SGCZ: variants seen among roughly 807,000 people sequenced by gnomAD.
SGCZ encodes sarcoglycan zeta, also known as zeta-sarcoglycan.
Under a neutral mutation model 41.3 loss-of-function variants are expected in SGCZ, and 40 were observed. The ratio of observed to expected loss-of-function variants is 0.97; its 90% confidence interval spans 0.75 to 1.26. The LOEUF (loss-of-function observed/expected upper bound fraction) is 1.26. Among genes scored for constraint, SGCZ ranks in the 50% most tolerant of loss-of-function variants. The probability of loss-of-function intolerance (pLI) is 0.00; values close to 1 mark genes in which losing one functional copy is unlikely to be tolerated. For synonymous variants in SGCZ, 206 were observed against 137.5 expected (o/e 1.50, Z -3.49); for missense variants, 552 against 369.8 (o/e 1.49, Z -4.04).
chr8:14,454,197 A>T (rs1563339930), intron 2 of SGCZ, among the ~76,000 whole-genome samples: 1 of 152,154 alleles, frequency 6.6e-6, no homozygotes, highest in Non-Finnish European at 1.5e-5. Flanking sequence ...GATTTCTAAT[A>T]TGTAGGTTAA....
chr8:14,946,092 G>T (rs1800438318), intron 1 of SGCZ, among the ~76,000 whole-genome samples: 1 of 121,828 alleles, frequency 8.2e-6, no homozygotes, highest in South Asian at 2.7e-4. Context: ...GTCCTATAGG[G>T]GCTATCTCTC....
chr8:14,374,450 A>C (rs1218127321), intron 2 of SGCZ, among the ~76,000 whole-genome samples: 1 of 152,186 alleles, frequency 6.6e-6, no homozygotes, highest in East Asian at 1.9e-4. Context: ...TAAGAATTTG[A>C]TGTAATTCTT....
intron 1 of SGCZ, among the ~76,000 whole-genome samples, chr8:14,622,205 A>G (rs984980454): frequency 3.9e-5 from 6 of 152,156 alleles, no homozygotes; most frequent in African/African-American, 1.4e-4. Context: ...AACCTTGAGT[A>G]TGTGTTGTCC....
intron 1 of SGCZ, among the ~76,000 whole-genome samples, chr8:14,618,552 G>C (rs1049121685): frequency 1.3e-5 from 2 of 152,182 alleles, no homozygotes; most frequent in Non-Finnish European, 2.9e-5. Flanking sequence ...AGTAACAAGA[G>C]TGGAAATAGG....
chr8:14,594,534 CCATATAAAAG>C (rs1177609602), intron 1 of SGCZ, among the ~76,000 whole-genome samples: 1 of 151,960 alleles, frequency 6.6e-6, no homozygotes, highest in Non-Finnish European at 1.5e-5. Flanking sequence ...GACTATAAAG[CCATATAAAAG>C]CATGGTGATG....
chr8:15,072,720 A>T (rs930129429), intron 1 of SGCZ, among the ~76,000 whole-genome samples: 1 of 152,182 alleles, frequency 6.6e-6, no homozygotes. Context: ...CAAAGGGAAA[A>T]GTGAGGAAGC....
intron 1 of SGCZ, among the ~76,000 whole-genome samples, chr8:14,602,107 G>A (rs947258668): frequency 3.3e-5 from 5 of 151,972 alleles, no homozygotes; most frequent in African/African-American, 7.2e-5. Context: ...GCGACAGAGC[G>A]AGTCTCCGTC....
At chr8:14,575,049 T>C (rs1804666141) in intron 1 of SGCZ, among the ~76,000 whole-genome samples, 1 of 152,240 alleles carries the variant, frequency 6.6e-6, no homozygotes, top group Non-Finnish European at 1.5e-5. Context: ...GTTATATCCT[T>C]ATTAGCCACC....
At chr8:14,323,801 G>A (rs1563257205) in intron 3 of SGCZ, among the ~76,000 whole-genome samples, 2 of 151,974 alleles carry the variant, frequency 1.3e-5, no homozygotes, top group Admixed American at 6.6e-5. Context: ...CATATCAAAT[G>A]CCCCCTTGGG....
intron 3 of SGCZ, among the ~76,000 whole-genome samples, chr8:14,258,373 T>C (rs959783928): frequency 6.6e-6 from 1 of 152,160 alleles, no homozygotes; most frequent in Non-Finnish European, 1.5e-5. Context: ...TGTACTTCCC[T>C]GATCTCTCGG....
chr8:14,905,297 G>T lies in SGCZ; in HGVS notation c.39+332288C>A, dbSNP rs573259692. Among the ~76,000 whole-genome samples the T allele has an allele frequency of 8.6e-5, 13 of 151,926 alleles. 1 individual carries two copies. In the South Asian group the frequency reaches 2.7e-3, roughly 32 times the overall value. On this transcript the variant is annotated intron_variant, in intron 1 of 7. Coordinates refer to ENST00000382080, the MANE Select transcript of SGCZ (RefSeq NM_139167.4). Reference sequence around the variant, plus strand: ...ATAAAGAATGAACAAAGGAAAAACCGATTAAAAAGACAGTAATGGTAAATG... The same window carrying T: ...ATAAAGAATGAACAAAGGAAAAACCTATTAAAAAGACAGTAATGGTAAATG...
intron 1 of SGCZ, among the ~76,000 whole-genome samples, chr8:14,931,874 T>C (rs1043296611): frequency 1.3e-5 from 2 of 151,976 alleles, no homozygotes; most frequent in Admixed American, 6.6e-5. Flanking sequence ...GTTTTAACCT[T>C]GACACACTGT....
At chr8:14,683,920 C>T (rs1808525827) in intron 1 of SGCZ, among the ~76,000 whole-genome samples, 1 of 152,094 alleles carries the variant, frequency 6.6e-6, no homozygotes, top group Non-Finnish European at 1.5e-5. Flanking sequence ...TCTTAAGATG[C>T]ATGATTTTTC....
chr8:14,565,740 G>C (rs1010708501), intron 1 of SGCZ, among the ~76,000 whole-genome samples: 4 of 151,998 alleles, frequency 2.6e-5, no homozygotes, highest in African/African-American at 9.7e-5. Flanking sequence ...AGAAAGAGGA[G>C]GGGATATTGT....
intron 1 of SGCZ, among the ~76,000 whole-genome samples, chr8:15,181,219 A>C (rs914796657): frequency 2.6e-5 from 4 of 152,206 alleles, no homozygotes; most frequent in Admixed American, 2.6e-4. Flanking sequence ...GTAAGTGAAA[A>C]TATTAACTTG....
chr8:14,956,988 T>TAC lies in SGCZ; in HGVS notation c.39+280595_39+280596dup, dbSNP rs1389807802. 2.6e-5 allele frequency among the ~76,000 whole-genome samples: 4 copies of TAC among 151,724 alleles called. No individual in the cohort carries two copies. In the East Asian group the frequency reaches 5.8e-4, roughly 22 times the overall value. Reference sequence around the variant, plus strand: ...AGAAACACACACACACACTCACACATACACACACACAATTACATGTGCCCT... The same window carrying TAC: ...AGAAACACACACACACACTCACACATACACACACACACAATTACATGTGCCCT... On this transcript the variant is annotated intron_variant, in intron 1 of 7. Transcript: ENST00000382080.
At chr8:14,678,136 TTG>T (rs879776890) in intron 1 of SGCZ, among the ~76,000 whole-genome samples, 1,924 of 152,298 alleles carry the variant, frequency 0.013, 35 homozygotes, top group African/African-American at 0.031. Context: ...TTTGGCAATG[TTG>T]ACGTAGATAC....
chr8:15,222,785 A>G (rs571176503), intron 1 of SGCZ, among the ~76,000 whole-genome samples: 2 of 151,818 alleles, frequency 1.3e-5, no homozygotes, highest in Admixed American at 1.3e-4. Flanking sequence ...GTGTGTGTGT[A>G]TGCGTGCATG....
chr8:14,096,739 T>C (rs989010896), intron 7 of SGCZ, among the ~76,000 whole-genome samples: 3 of 152,130 alleles, frequency 2.0e-5, no homozygotes, highest in African/African-American at 7.2e-5. Flanking sequence ...GGTCCAGAAC[T>C]TTTTTTGGTT....
Sources: allele counts gnomAD v4.1 joint callset (sites outside exome capture counted in the v4.1 genomes callset), GRCh38; gene constraint gnomAD v4.1.1; transcripts MANE v1.5; gene names NCBI Gene and HGNC (gene_info 2026-07-23, HGNC 2026-07-21).